Variants in BOC observed in about 807,000 individuals in gnomAD.
BOC encodes brother of CDO.
A neutral mutation model predicts 112.0 loss-of-function variants in BOC; 76 were observed. The observed-to-expected ratio is 0.68, with a 90% CI of 0.56 to 0.82. The LOEUF (loss-of-function observed/expected upper bound fraction) is 0.82. Among genes scored for constraint, BOC ranks in the 40% least tolerant of loss-of-function variants. BOC has a pLI of 0.00. For missense variants in BOC, 1,309 were observed against 1,511.7 expected (o/e 0.87, Z 2.22); for synonymous variants, 580 against 599.8 (o/e 0.97, Z 0.48).
chr3:113,230,473 A>G (rs1942433848), intron 2 of BOC, among the ~76,000 whole-genome samples: 1 of 152,246 alleles, frequency 6.6e-6, no homozygotes, highest in Non-Finnish European at 1.5e-5. Flanking sequence ...CAGGGGAAGC[A>G]GACAGTCTAG....
In BOC at chr3:113,211,945, T is replaced by G. The variant is rs1019574776; in HGVS notation, c.-241T>G. 3 of 152,394 alleles carry G rather than the reference T, an allele frequency of 2.0e-5. No individual in the cohort carries two copies. Among genetic ancestry groups the G allele is most frequent in the Admixed American group, 1.3e-4 (2 of 15,288 alleles). The allele number at this position is 152,394 out of a possible 1,614,324, so 9.4% of individuals were successfully genotyped here. A position where few individuals can be genotyped will look rare whatever the true frequency, so the allele number is the denominator to read the frequency against. On this transcript the variant is annotated 5_prime_UTR_variant, in exon 1 of 20. Coordinates refer to ENST00000682979, the MANE Select transcript of BOC (RefSeq NM_001378074.1). The stretch of plus-strand genomic sequence containing the variant: ...TGTGTCCGTGCGGCGCGGCGCTGTG[T>G]GGCTCCCTCGCGCCCACCACGCTGG...
chr3:113,232,942 G>A (rs775132394), intron 2 of BOC, among the ~76,000 whole-genome samples: 14 of 152,094 alleles, frequency 9.2e-5, no homozygotes, highest in South Asian at 2.1e-4. Flanking sequence ...TTTAAAGTTC[G>A]GGGTAAGGGT....
At chr3:113,267,820 T>C (rs1307445289) in intron 4 of BOC, among the ~76,000 whole-genome samples, 1 of 152,210 alleles carries the variant, frequency 6.6e-6, no homozygotes, top group Non-Finnish European at 1.5e-5. Context: ...CTCTGCCTCC[T>C]GGGTTCATGC....
In BOC at chr3:113,285,398, G is replaced by A. The variant is rs774586790; in HGVS notation, c.2993G>A (p.Gly998Asp). 14 of 1,613,312 alleles carry A rather than the reference G, an allele frequency of 8.7e-6. No homozygotes were observed. The East Asian group carries it at 2.7e-4, about 31-fold the overall frequency. Residue 998 changes from glycine to aspartate, a missense_variant, in exon 19 of 20, where the codon GGC becomes GAC. Transcript: ENST00000682979. ...TRGPKSSPDEGSFLYTLPDDS... is the reference protein window; with the variant it reads ...TRGPKSSPDEDSFLYTLPDDS... ...GGTCCCAAGTCTAGCCCGGACGAGG[G>A]CTCTTTCTTATACACACTGCCCGAC...
chr3:113,232,897 G>C (rs766455221), intron 2 of BOC, among the ~76,000 whole-genome samples: 1 of 152,116 alleles, frequency 6.6e-6, no homozygotes, highest in Non-Finnish European at 1.5e-5. Context: ...ATCCCTATGC[G>C]AGTTGATTTT....
intron 2 of BOC, among the ~76,000 whole-genome samples, chr3:113,224,689 G>A (rs1941354052): frequency 6.6e-6 from 1 of 152,204 alleles, no homozygotes; most frequent in Admixed American, 6.5e-5. Flanking sequence ...GCTGGGCACA[G>A]TGGCTCATGC....
In BOC at chr3:113,250,651, A is replaced by G. The variant is rs1369768553; in HGVS notation, c.194A>G (p.Asn65Ser). Reference protein sequence around the residue: ...LGCVVEPPRMNVTWRLNGKEL... With the variant: ...LGCVVEPPRMSVTWRLNGKEL... ...TGCGTGGTGGAACCTCCAAGGATGA[A>G]TGTAACCTGGCGCCTGAATGGAAAG... Residue 65 changes from asparagine to serine, a missense_variant, in exon 4 of 20, where the codon AAT becomes AGT. Coordinates refer to ENST00000682979, the MANE Select transcript of BOC (RefSeq NM_001378074.1). 1.2e-6 allele frequency: 2 copies of G among 1,614,060 alleles called. No individual in the cohort carries two copies. The highest frequency in any genetic ancestry group is 2.7e-5 in the African/African-American group (2 of 74,922).
At chr3:113,275,723 C>G (rs190034941) in intron 9 of BOC, among the ~76,000 whole-genome samples, 2 of 152,214 alleles carry the variant, frequency 1.3e-5, no homozygotes, top group Admixed American at 6.5e-5. Flanking sequence ...CCTCCACAAA[C>G]AAGCAAGAAA....
intron 2 of BOC, among the ~76,000 whole-genome samples, chr3:113,247,051 G>A (rs574233319): frequency 8.5e-5 from 13 of 152,290 alleles, no homozygotes; most frequent in African/African-American, 2.6e-4. Context: ...CAACACCTCC[G>A]TAGCCACCGT....
chr3:113,285,453 T>A lies in BOC; in HGVS notation c.3048T>A (p.His1016Gln). The change falls in exon 19 of 20, where the codon CAT becomes CAA. Residue 1016 changes from histidine (H) to glutamine (Q), a missense_variant. Coordinates refer to ENST00000682979, the MANE Select transcript of BOC (RefSeq NM_001378074.1). Reference protein sequence around the residue: ...DDSTHQLLQPHHDCCQRQEQP... With the variant: ...DDSTHQLLQPQHDCCQRQEQP... Reference sequence around the variant, plus strand: ...CCACTCACCAGCTGCTGCAGCCCCATCACGACTGCTGCCAACGCCAGGAGC... The same window carrying A: ...CCACTCACCAGCTGCTGCAGCCCCAACACGACTGCTGCCAACGCCAGGAGC... The A allele has an allele frequency of 6.2e-7, 1 of 1,614,034 alleles. No individual in the cohort carries two copies. The highest frequency in any genetic ancestry group is 8.5e-7 in the Non-Finnish European group (1 of 1,179,978).
intron 2 of BOC, among the ~76,000 whole-genome samples, chr3:113,229,532 C>T (rs779035541): frequency 1.3e-5 from 2 of 152,208 alleles, no homozygotes; most frequent in African/African-American, 2.4e-5. Context: ...CTGTAGAGGC[C>T]GCCTTGGCCC....
intron 2 of BOC, among the ~76,000 whole-genome samples, chr3:113,220,405 A>G (rs1940376736): frequency 6.6e-6 from 1 of 152,116 alleles, no homozygotes; most frequent in South Asian, 2.1e-4. Flanking sequence ...GTGACCAGCT[A>G]CTTGGGTAAT....
At chr3:113,219,548 C>T (rs1559798558) in intron 2 of BOC, among the ~76,000 whole-genome samples, 3 of 152,190 alleles carry the variant, frequency 2.0e-5, no homozygotes, top group Admixed American at 6.5e-5. Context: ...GCAGGTCTGC[C>T]GAGTCCAAAA....
intron 4 of BOC, among the ~76,000 whole-genome samples, chr3:113,264,999 C>G (rs528187752): frequency 2.0e-5 from 3 of 152,324 alleles, no homozygotes; most frequent in South Asian, 2.1e-4. Flanking sequence ...AACAGAGGGG[C>G]TGTCTGGCCG....
intron 2 of BOC, among the ~76,000 whole-genome samples, chr3:113,229,287 G>A (rs897297466): frequency 6.6e-6 from 1 of 152,244 alleles, no homozygotes; most frequent in South Asian, 2.1e-4. Flanking sequence ...GCCAACGGCT[G>A]TTCTACTTCT....
Position 113,241,670 on chromosome 3 carries a change from A to G in BOC, c.-81-8052A>G, listed in dbSNP as rs575970519. Among the ~76,000 whole-genome samples the G allele has an allele frequency of 7.9e-5, 12 of 152,338 alleles. No individual in the cohort carries two copies. In the East Asian group the frequency reaches 1.5e-3, roughly 20 times the overall value. On this transcript the variant is annotated intron_variant, in intron 2 of 19. Coordinates refer to ENST00000682979, the MANE Select transcript of BOC (RefSeq NM_001378074.1). ...GTGGTGCCTTCAGCTATCTCACTGCATTACAATGAATATGGACTCTATTAA... is the reference window on the plus strand; with the variant it reads ...GTGGTGCCTTCAGCTATCTCACTGCGTTACAATGAATATGGACTCTATTAA...
intron 2 of BOC, among the ~76,000 whole-genome samples, chr3:113,221,344 C>T (rs189985799): frequency 1.2e-4 from 18 of 152,218 alleles, no homozygotes; most frequent in Admixed American, 2.6e-4. Flanking sequence ...TCAGGGTTTA[C>T]GGAGAGAAAG....
At chr3:113,249,681 C>G (rs1945364910) in intron 2 of BOC, 41 bp from the exon 3 acceptor site, 1 of 766,318 alleles carries the variant, frequency 1.3e-6, no homozygotes, top group South Asian at 2.1e-5. Flanking sequence ...CCCCAGGCAT[C>G]CTCATCATGG....
At chr3:113,231,117 T>C (rs1942541629) in intron 2 of BOC, among the ~76,000 whole-genome samples, 1 of 152,190 alleles carries the variant, frequency 6.6e-6, no homozygotes, top group Admixed American at 6.5e-5. Context: ...ATTTTATGGT[T>C]GAAGGGGTGG....
Sources: allele counts gnomAD v4.1 joint callset (sites outside exome capture counted in the v4.1 genomes callset), GRCh38; gene constraint gnomAD v4.1.1; transcripts MANE v1.5; gene names NCBI Gene and HGNC (gene_info 2026-07-23, HGNC 2026-07-21).